Variants in ACBD6 observed in about 807,000 individuals in gnomAD.
The protein encoded by ACBD6 is acyl-CoA binding domain containing 6.
ACBD6 carries 28 observed loss-of-function variants against 37.2 expected under a neutral mutation model. The observed-to-expected ratio is 0.75, with a 90% CI of 0.56 to 1.03. The LOEUF (loss-of-function observed/expected upper bound fraction) is 1.03. Among genes scored for constraint, ACBD6 ranks in the 50% least tolerant of loss-of-function variants. The pLI, the probability that ACBD6 is intolerant of heterozygous loss-of-function variation, is 0.00. For synonymous variants in ACBD6, 113 were observed against 126.8 expected (o/e 0.89, Z 0.73); for missense variants, 340 against 337.4 (o/e 1.01, Z -0.06).
chr1:180,487,594 G>GC (rs1651322379), intron 3 of ACBD6, among the ~76,000 whole-genome samples: 1 of 151,996 alleles, frequency 6.6e-6, no homozygotes, highest in Admixed American at 6.6e-5. Flanking sequence ...CTTAATAATG[G>GC]CCCCAAAGTA....
chr1:180,443,607 G>T (rs898688483), intron 3 of ACBD6, among the ~76,000 whole-genome samples: 6 of 151,406 alleles, frequency 4.0e-5, no homozygotes, highest in Admixed American at 3.3e-4. Flanking sequence ...GGCACAGCTT[G>T]TTTTTTTTGT....
At chr1:180,351,565 G>A (rs1053740092) in intron 6 of ACBD6, among the ~76,000 whole-genome samples, 28 of 147,868 alleles carry the variant, frequency 1.9e-4, no homozygotes, top group Non-Finnish European at 3.0e-5. Context: ...GAGTCACTGT[G>A]CCTGGCCCGA....
At chr1:180,401,859 T>C (rs981919767) in intron 5 of ACBD6, among the ~76,000 whole-genome samples, 2 of 151,664 alleles carry the variant, frequency 1.3e-5, no homozygotes, top group Admixed American at 6.6e-5. Context: ...AAAATGAGTC[T>C]TGATGTTCTT....
At chr1:180,412,986 T>G (rs2101972211) in intron 5 of ACBD6, among the ~76,000 whole-genome samples, 1 of 152,336 alleles carries the variant, frequency 6.6e-6, no homozygotes, top group South Asian at 2.1e-4. Flanking sequence ...TAAAGATGTA[T>G]TTATTGAGCA....
At chr1:180,408,534 G>A (rs940722049) in intron 5 of ACBD6, among the ~76,000 whole-genome samples, 3 of 151,958 alleles carry the variant, frequency 2.0e-5, no homozygotes, top group Non-Finnish European at 4.4e-5. Flanking sequence ...TGAGGGGAGG[G>A]GGACAGATAG....
chr1:180,304,088 G>T lies in ACBD6; in HGVS notation c.694+10604C>A, dbSNP rs373474863. 4.7e-4 allele frequency among the ~76,000 whole-genome samples: 71 copies of T among 150,878 alleles called. 1 individual carries two copies. The highest frequency in any genetic ancestry group is 1.6e-3 in the African/African-American group (67 of 41,424). ...ATGCTAAAAACTCTCAATAAATTAG[G>T]TATTGATGGGACGTATCTCATAATA... is the stretch of plus-strand genomic sequence containing the variant. On this transcript the variant is annotated intron_variant, in intron 7 of 7. Transcript: ENST00000367595.
chr1:180,331,339 T>G (rs1180259017), intron 6 of ACBD6, among the ~76,000 whole-genome samples: 2 of 152,220 alleles, frequency 1.3e-5, no homozygotes, highest in Admixed American at 6.5e-5. Context: ...CCCCATCAGG[T>G]TACCAAATAA....
intron 3 of ACBD6, among the ~76,000 whole-genome samples, chr1:180,467,472 A>AAAAAAAAAAAAAAAAAAAAAAAAC (rs370655998): frequency 8.7e-6 from 1 of 114,542 alleles, no homozygotes; most frequent in Non-Finnish European, 1.7e-5. Flanking sequence ...AAAAAAAAAA[A>AAAAAAAAAAAAAAAAAAAAAAAAC]CAAAAACAAA....
chr1:180,460,776 G>A (rs936650507), intron 3 of ACBD6, among the ~76,000 whole-genome samples: 2 of 152,200 alleles, frequency 1.3e-5, no homozygotes, highest in Admixed American at 6.5e-5. Flanking sequence ...TAGGTAGTAT[G>A]CCCACAAAGA....
chr1:180,284,660 G>A (rs1337721506), downstream of ACBD6, among the ~76,000 whole-genome samples: 2 of 151,888 alleles, frequency 1.3e-5, no homozygotes, highest in South Asian at 2.1e-4. Flanking sequence ...ATGAGCCACC[G>A]AGCCTGGCCG....
At chr1:180,445,243 T>C (rs1032134938) in intron 3 of ACBD6, among the ~76,000 whole-genome samples, 2 of 152,332 alleles carry the variant, frequency 1.3e-5, no homozygotes, top group Non-Finnish European at 2.9e-5. Flanking sequence ...TTCAGCAATA[T>C]AGATACAAGA....
chr1:180,294,809 CT>C (rs1167231987), intron 7 of ACBD6, among the ~76,000 whole-genome samples: 40 of 152,060 alleles, frequency 2.6e-4, no homozygotes, highest in Non-Finnish European at 4.1e-4. Context: ...ATCCTCCTGC[CT>C]CAGCCTCCTG....
chr1:180,474,769 C>A (rs12024156), intron 3 of ACBD6, among the ~76,000 whole-genome samples: 14,633 of 152,154 alleles, frequency 0.096, 1,008 homozygotes, highest in East Asian at 0.36. Flanking sequence ...ACTTTTGTAC[C>A]AGTGTATTTT....
At chr1:180,317,058 T>C (rs1181808787) in intron 6 of ACBD6, among the ~76,000 whole-genome samples, 2 of 152,222 alleles carry the variant, frequency 1.3e-5, no homozygotes, top group Non-Finnish European at 2.9e-5. Flanking sequence ...TCTGAAAGTA[T>C]GCAAGTTACT....
chr1:180,314,754 G>A (rs758807211), intron 6 of ACBD6, 32 bp from the exon 7 acceptor site: 1 of 1,485,804 alleles, frequency 6.7e-7, no homozygotes, highest in Non-Finnish European at 9.4e-7. Flanking sequence ...CATTTTAGAA[G>A]TCTAAGTAAT....
intron 3 of ACBD6, among the ~76,000 whole-genome samples, chr1:180,466,861 T>A (rs1447069874): frequency 2.0e-5 from 3 of 152,026 alleles, no homozygotes; most frequent in Non-Finnish European, 4.4e-5. Flanking sequence ...GACCAGTAAA[T>A]AAGATAATAC....
intron 3 of ACBD6, among the ~76,000 whole-genome samples, chr1:180,463,782 G>T (rs1358081592): frequency 6.6e-6 from 1 of 152,254 alleles, no homozygotes. Context: ...CAATATCCTC[G>T]ATGAACATCA....
chr1:180,419,396 T>TTGCTGGCATG (rs1648254038), intron 4 of ACBD6, among the ~76,000 whole-genome samples: 1 of 152,214 alleles, frequency 6.6e-6, no homozygotes, highest in African/African-American at 2.4e-5. Flanking sequence ...CATCTTACAA[T>TTGCTGGCATG]TAAATGATGG....
At position 180,288,334 on chromosome 1, in the gene ACBD6, T is replaced by C; in HGVS notation, c.*29A>G. Reference sequence around the variant, plus strand: ...CTTTCATAATGGAAGCCTTATGCTATTACAGACTGCAGTTTTCCAGTCTTT... The same window carrying C: ...CTTTCATAATGGAAGCCTTATGCTACTACAGACTGCAGTTTTCCAGTCTTT... On this transcript the variant is annotated 3_prime_UTR_variant, in exon 8 of 8. Coordinates refer to ENST00000367595, the MANE Select transcript of ACBD6 (RefSeq NM_032360.4). The C allele has an allele frequency of 2.5e-6, 4 of 1,613,368 alleles. No individual in the cohort carries two copies. The highest frequency in any genetic ancestry group is 2.2e-5 in the East Asian group (1 of 44,884).
Sources: allele counts gnomAD v4.1 joint callset (sites outside exome capture counted in the v4.1 genomes callset), GRCh38; gene constraint gnomAD v4.1.1; transcripts MANE v1.5; gene names NCBI Gene and HGNC (gene_info 2026-07-23, HGNC 2026-07-21).